MKLN1: variants seen among roughly 807,000 people sequenced by gnomAD.
MKLN1 encodes the protein muskelin.
Under a neutral mutation model 99.0 loss-of-function variants are expected in MKLN1, and 18 were observed. The ratio of observed to expected loss-of-function variants is 0.18; its 90% CI spans 0.13 to 0.27. MKLN1 has a LOEUF of 0.27. MKLN1 is among the 10% of genes least tolerant of loss of function. The pLI, the probability that MKLN1 is intolerant of heterozygous loss-of-function variation, is 1.00. For missense variants in MKLN1, 621 were observed against 875.9 expected (o/e 0.71, Z 3.67); for synonymous variants, 288 against 293.2 (o/e 0.98, Z 0.18).
chr7:131,345,957 G>A (rs981236210), intron 1 of MKLN1, among the ~76,000 whole-genome samples: 1 of 152,070 alleles, frequency 6.6e-6, no homozygotes, highest in Non-Finnish European at 1.5e-5. Flanking sequence ...AAATCACTCG[G>A]AATCTCATGA....
intron 3 of MKLN1, among the ~76,000 whole-genome samples, chr7:131,231,712 A>G (rs888359159): frequency 6.6e-6 from 1 of 152,200 alleles, no homozygotes; most frequent in Non-Finnish European, 1.5e-5. Flanking sequence ...GTTGCCACCA[A>G]AAACAAAAGT....
chr7:131,382,764 C>T (rs1165702977), intron 2 of MKLN1, among the ~76,000 whole-genome samples: 1 of 151,778 alleles, frequency 6.6e-6, no homozygotes, highest in Non-Finnish European at 1.5e-5. Context: ...TACTGTGTCT[C>T]CCAGGCTGGA....
At chr7:131,252,598 G>C (rs183129155) in intron 3 of MKLN1, among the ~76,000 whole-genome samples, 2 of 152,128 alleles carry the variant, frequency 1.3e-5, no homozygotes, top group African/African-American at 4.8e-5. Context: ...AAAGTACTGG[G>C]ATTATAGGTG....
intron 17 of MKLN1, among the ~76,000 whole-genome samples, chr7:131,484,395 C>T (rs1797215412): frequency 6.6e-6 from 1 of 152,136 alleles, no homozygotes; most frequent in Non-Finnish European, 1.5e-5. Context: ...GAATCTCTTT[C>T]TGTGTAAAAG....
intron 3 of MKLN1, among the ~76,000 whole-genome samples, chr7:131,311,926 A>T (rs1367914779): frequency 6.6e-6 from 1 of 152,088 alleles, no homozygotes; most frequent in African/African-American, 2.4e-5. Flanking sequence ...TTACTTTTGC[A>T]TCAGTATATT....
intron 4 of MKLN1, among the ~76,000 whole-genome samples, chr7:131,393,041 C>G (rs1270291176): frequency 1.3e-5 from 2 of 152,120 alleles, no homozygotes. Flanking sequence ...ACCACCACAC[C>G]TGGCTAATTT....
In MKLN1 at chr7:131,446,147, TG is replaced by T. The variant is rs986483370; in HGVS notation, c.1525+250del. Reference sequence around the variant, plus strand: ...CTAAATGAATTGTGTGTGTGCTTGTTGGGGGGCGGGGTAGGAAGAATCAATA... The same window carrying T: ...CTAAATGAATTGTGTGTGTGCTTGTTGGGGGCGGGGTAGGAAGAATCAATA... On this transcript the variant is annotated intron_variant, in intron 12 of 17. Coordinates refer to ENST00000352689, the MANE Select transcript of MKLN1 (RefSeq NM_013255.5). Among the ~76,000 whole-genome samples, 7 of 152,252 alleles carry T rather than the reference TG, an allele frequency of 4.6e-5. No homozygotes were observed. In the South Asian group the frequency reaches 6.2e-4, roughly 14 times the overall value.
At chr7:131,222,857 A>G (rs529759291) in intron 3 of MKLN1, among the ~76,000 whole-genome samples, 1 of 143,472 alleles carries the variant, frequency 7.0e-6, no homozygotes, top group Admixed American at 6.9e-5. Context: ...TTTGCTAAAA[A>G]TACAAAAAAA....
At chr7:131,342,156 A>ATT (rs796109850) in intron 1 of MKLN1, among the ~76,000 whole-genome samples, 223 of 141,136 alleles carry the variant, frequency 1.6e-3, no homozygotes, top group African/African-American at 4.9e-3. Flanking sequence ...TTTTTTGTTG[A>ATT]TTTTTTTTTT....
chr7:131,131,983 G>A lies in MKLN1; in HGVS notation c.-418-10837G>A, dbSNP rs113240711. 2.4e-4 allele frequency among the ~76,000 whole-genome samples: 36 copies of A among 152,292 alleles called. 1 individual carries two copies. The highest frequency in any genetic ancestry group is 8.2e-4 in the African/African-American group (34 of 41,560). Reference sequence around the variant, plus strand: ...GACATGTTCTAGGTTACAGGGCTATGTAATAAAACCAGAATTCGAATACAG... The same window carrying A: ...GACATGTTCTAGGTTACAGGGCTATATAATAAAACCAGAATTCGAATACAG... On this transcript the variant is annotated intron_variant, in intron 1 of 7. Coordinates refer to the MKLN1 transcript ENST00000416992.
chr7:131,451,043 G>T (rs895462050), intron 12 of MKLN1, among the ~76,000 whole-genome samples: 3 of 151,980 alleles, frequency 2.0e-5, no homozygotes, highest in African/African-American at 7.2e-5. Flanking sequence ...ATATTATATT[G>T]TCCTCCCATA....
chr7:131,476,146 C>G lies in MKLN1; in HGVS notation c.2032-2477C>G, dbSNP rs115733017. Among the ~76,000 whole-genome samples, 915 of 152,174 alleles carry G rather than the reference C, an allele frequency of 6.0e-3. 8 individuals are homozygous for G. The highest frequency in any genetic ancestry group is 0.021 in the African/African-American group (885 of 41,536). On this transcript the variant is annotated intron_variant, in intron 16 of 17. Coordinates refer to ENST00000352689, the MANE Select transcript of MKLN1 (RefSeq NM_013255.5). Reference sequence around the variant, plus strand: ...TTAGCAAACTAGGAATAAAAAGAAACTTCTTGAATCTAAATTCCTAAAGGA... The same window carrying G: ...TTAGCAAACTAGGAATAAAAAGAAAGTTCTTGAATCTAAATTCCTAAAGGA...
Position 131,224,944 on chromosome 7 carries a change from G to T in MKLN1, c.-179+21970G>T, listed in dbSNP as rs1797123076. ...AAAAATTAGCTGGGCATGGTGGCAG[G>T]CACCTGTAGTCCCAGCTACTCGGGA... On this transcript the variant is annotated intron_variant, in intron 3 of 7. Coordinates refer to the MKLN1 transcript ENST00000416992. 2.0e-5 allele frequency among the ~76,000 whole-genome samples: 3 copies of T among 152,002 alleles called. No individual in the cohort carries two copies. In the South Asian group the frequency reaches 6.2e-4, roughly 31 times the overall value.
intron 2 of MKLN1, among the ~76,000 whole-genome samples, chr7:131,376,274 G>C (rs904241064): frequency 2.0e-5 from 3 of 149,304 alleles, no homozygotes; most frequent in Non-Finnish European, 4.4e-5. Flanking sequence ...CCTGTTGTCT[G>C]GTGCATAAGG....
At chr7:131,146,551 T>A (rs921675977) in intron 2 of MKLN1, among the ~76,000 whole-genome samples, 1 of 152,212 alleles carries the variant, frequency 6.6e-6, no homozygotes, top group Non-Finnish European at 1.5e-5. Flanking sequence ...TTGGGTATAC[T>A]GTATGGAGCC....
chr7:131,287,371 A>G (rs1257749962), intron 3 of MKLN1, among the ~76,000 whole-genome samples: 3 of 152,186 alleles, frequency 2.0e-5, no homozygotes, highest in African/African-American at 7.2e-5. Context: ...CACTCCTGAA[A>G]GCTCTGGGGG....
chr7:131,362,349 G>A (rs1800055119), intron 1 of MKLN1, among the ~76,000 whole-genome samples: 4 of 151,824 alleles, frequency 2.6e-5, no homozygotes, highest in Admixed American at 2.6e-4. Flanking sequence ...AACATAATGC[G>A]GTTCATGACT....
At chr7:131,335,079 G>A (rs1355267071) in intron 1 of MKLN1, among the ~76,000 whole-genome samples, 1 of 152,024 alleles carries the variant, frequency 6.6e-6, no homozygotes, top group African/African-American at 2.4e-5. Context: ...ATTAAGGGGT[G>A]GTCAGATAAA....
At chr7:131,312,863 T>C (rs1301847411) in intron 3 of MKLN1, among the ~76,000 whole-genome samples, 3 of 152,198 alleles carry the variant, frequency 2.0e-5, no homozygotes, top group Non-Finnish European at 4.4e-5. Flanking sequence ...GACAGTGCTA[T>C]GGAGACAATG....
Sources: gnomAD v4.1 joint callset for allele counts (sites outside exome capture counted in the v4.1 genomes callset) on GRCh38, gnomAD v4.1.1 for gene constraint, MANE v1.5 for transcripts, NCBI Gene and HGNC (gene_info 2026-07-23, HGNC 2026-07-21) for gene names.